Variants in XYLT1 observed in about 807,000 individuals in gnomAD.
The protein encoded by XYLT1 is xylosyltransferase 1, also known as beta-D-xylosyltransferase 1.
In XYLT1, 36 loss-of-function variants were observed where a neutral mutation model predicts 91.3. The observed-to-expected ratio is 0.39, with a 90% confidence interval of 0.30 to 0.52. The LOEUF (loss-of-function observed/expected upper bound fraction) is 0.52. Ranked by LOEUF, XYLT1 falls within the 20% of genes least tolerant of loss-of-function variation. XYLT1 has a pLI of 0.68. For missense variants in XYLT1, 1,242 were observed against 1,284.5 expected (o/e 0.97, Z 0.51); for synonymous variants, 588 against 532.0 (o/e 1.11, Z -1.45).
At chr16:17,416,810 G>C (rs770744477) in intron 1 of XYLT1, among the ~76,000 whole-genome samples, 3 of 152,218 alleles carry the variant, frequency 2.0e-5, no homozygotes, top group African/African-American at 7.2e-5. Context: ...AAGGAAGTGA[G>C]AGTGAGCATG....
intron 5 of XYLT1, among the ~76,000 whole-genome samples, chr16:17,187,218 C>A (rs1388343466): frequency 1.3e-5 from 2 of 151,546 alleles, no homozygotes; most frequent in African/African-American, 2.4e-5. Flanking sequence ...AAGGCAAAAC[C>A]CTGTCTCTAC....
chr16:17,468,019 GAAAC>G (rs1010485426), intron 1 of XYLT1, among the ~76,000 whole-genome samples: 3 of 152,168 alleles, frequency 2.0e-5, no homozygotes, highest in African/African-American at 7.2e-5. Flanking sequence ...GCAGGGTCTG[GAAAC>G]AAACTGCACA....
At chr16:17,149,159 C>T (rs2031218222) in intron 6 of XYLT1, among the ~76,000 whole-genome samples, 1 of 152,214 alleles carries the variant, frequency 6.6e-6, no homozygotes, top group Admixed American at 6.5e-5. Flanking sequence ...AAAAAAACAT[C>T]TGTGGCTTTT....
At chr16:17,431,762 A>G (rs867108791) in intron 1 of XYLT1, among the ~76,000 whole-genome samples, 4 of 152,370 alleles carry the variant, frequency 2.6e-5, no homozygotes, top group African/African-American at 9.6e-5. Flanking sequence ...TTGTCCAATA[A>G]AGTTGCTAAA....
intron 1 of XYLT1, among the ~76,000 whole-genome samples, chr16:17,460,190 C>T (rs2036799103): frequency 6.6e-6 from 1 of 152,164 alleles, no homozygotes; most frequent in Non-Finnish European, 1.5e-5. Context: ...TTTCCACCTC[C>T]CCCTTGTCTC....
In XYLT1 at chr16:17,470,536, T is replaced by C. The variant is rs1189992349; in HGVS notation, c.261A>G (p.Gly87=). ...ARGGGGGGGG[G]GGGRGPQARA... is the part of the protein sequence containing the mutation. ...GCGCCTGGGGCCCCCGTCCTCCTCC[T>C]CCTCCGCCGCCGCCTCCTCCTCCTC... The change falls in exon 1 of 12, where the codon GGA becomes GGG. Residue 87 remains glycine (G), a synonymous_variant. Transcript: ENST00000261381. 1.6e-6 allele frequency: 2 copies of C among 1,224,234 alleles called. No individual in the cohort carries two copies. The highest frequency in any genetic ancestry group is 4.3e-5 in the Admixed American group (1 of 23,312). 75.8% of individuals were successfully genotyped at this position (1,224,234 alleles called of 1,614,324 possible).
At chr16:17,435,627 A>G (rs954774241) in intron 1 of XYLT1, among the ~76,000 whole-genome samples, 1 of 151,782 alleles carries the variant, frequency 6.6e-6, no homozygotes, top group Non-Finnish European at 1.5e-5. Flanking sequence ...GAAAAAAAAA[A>G]GTCTAAGGAG....
intron 1 of XYLT1, among the ~76,000 whole-genome samples, chr16:17,435,677 T>G (rs67792343): frequency 1.3e-5 from 2 of 151,906 alleles, no homozygotes; most frequent in African/African-American, 2.4e-5. Context: ...GTTCCTACTA[T>G]GTGCCAGGCT....
chr16:17,438,135 G>A (rs2036484591), intron 1 of XYLT1, among the ~76,000 whole-genome samples: 1 of 152,120 alleles, frequency 6.6e-6, no homozygotes, highest in Admixed American at 6.5e-5. Context: ...GGCCAGAGAG[G>A]GAGAATATTT....
chr16:17,165,332 T>C (rs1480527419), intron 5 of XYLT1, among the ~76,000 whole-genome samples: 1 of 152,214 alleles, frequency 6.6e-6, no homozygotes, highest in East Asian at 1.9e-4. Flanking sequence ...GCTGCTTCTC[T>C]CACTCATCAG....
chr16:17,194,092 T>C (rs968971967), intron 5 of XYLT1: 5 of 152,340 alleles, frequency 3.3e-5, no homozygotes, highest in African/African-American at 1.2e-4. Flanking sequence ...AAAGGATTTC[T>C]GGGCCTCTCA....
At chr16:17,304,275 G>C (rs1013015454) in intron 2 of XYLT1, among the ~76,000 whole-genome samples, 12 of 152,154 alleles carry the variant, frequency 7.9e-5, no homozygotes, top group African/African-American at 2.4e-4. Context: ...AAAGACCAGA[G>C]GCAGGTGAGG....
rs1293088826 is a variant in XYLT1, at chr16:17,104,929, A to C, written c.*3766T>G. 1 of 152,248 alleles carries C rather than the reference A, an allele frequency of 6.6e-6. No homozygotes were observed. Among genetic ancestry groups the C allele is most frequent in the East Asian group, 1.9e-4 (1 of 5,194 alleles). 9.4% of individuals were successfully genotyped at this position (152,248 alleles called of 1,614,324 possible). On this transcript the variant is annotated 3_prime_UTR_variant, in exon 12 of 12. Coordinates refer to ENST00000261381, the MANE Select transcript of XYLT1 (RefSeq NM_022166.4). ...TATTCTGGGCCCCATAAACATTTGT[A>C]ACCCCTACCACAGTGTGTGGCTTTG... is the stretch of plus-strand genomic sequence containing the variant.
chr16:17,154,671 G>C (rs1320277524), intron 6 of XYLT1, among the ~76,000 whole-genome samples: 1 of 152,176 alleles, frequency 6.6e-6, no homozygotes, highest in Non-Finnish European at 1.5e-5. Context: ...AGGAAAGCAA[G>C]GAGAAACAGT....
Position 17,198,283 on chromosome 16 carries a change from C to T in XYLT1, c.1218G>A (p.Arg406=). The change falls in exon 5 of 12, where the codon CGG becomes CGA. Residue 406 remains arginine (R), a synonymous_variant. Transcript: ENST00000261381. ...GCCAGTCGGTCATCTCCAGGAGGTCCCGCATGCTCTGCAGGTAGGTGGACA... is the reference window on the plus strand; with the variant it reads ...GCCAGTCGGTCATCTCCAGGAGGTCTCGCATGCTCTGCAGGTAGGTGGACA... ...SLLSTYLQSM[R]DLLEMTDWPW... 1.9e-6 allele frequency: 3 copies of T among 1,614,204 alleles called. No homozygotes were observed. Among genetic ancestry groups the T allele is most frequent in the African/African-American group, 1.3e-5 (1 of 75,062 alleles).
At chr16:17,400,742 A>C (rs2035956337) in intron 1 of XYLT1, among the ~76,000 whole-genome samples, 1 of 152,184 alleles carries the variant, frequency 6.6e-6, no homozygotes, top group South Asian at 2.1e-4. Flanking sequence ...CTTCAAAGTC[A>C]GCTTGTAATG....
rs67567053 is a variant in XYLT1 at position 17,454,538 on chromosome 16, A to AT, written c.363+15895dup. ...CAATAAAGCTTTATTTATGATCGCA[A>AT]TTTTTTTTTTTTTTTTGAGATACAG... On this transcript the variant is annotated intron_variant, in intron 1 of 11. Coordinates refer to ENST00000261381, the MANE Select transcript of XYLT1 (RefSeq NM_022166.4). Among the ~76,000 whole-genome samples, 967 of 145,330 alleles carry AT rather than the reference A, an allele frequency of 6.7e-3. 8 individuals are homozygous for AT. Among genetic ancestry groups the AT allele is most frequent in the African/African-American group, 9.4e-3 (376 of 39,966 alleles).
chr16:17,145,042 C>T (rs533315245), intron 6 of XYLT1, among the ~76,000 whole-genome samples: 1 of 152,354 alleles, frequency 6.6e-6, no homozygotes, highest in African/African-American at 2.4e-5. Flanking sequence ...TTCATGCTAG[C>T]CCCTGATAAC....
At chr16:17,423,045 G>C (rs762849346) in intron 1 of XYLT1, among the ~76,000 whole-genome samples, 7 of 152,172 alleles carry the variant, frequency 4.6e-5, no homozygotes, top group Admixed American at 1.3e-4. Context: ...TCATCCAAAT[G>C]TGGGACCTTC....
Sources: allele counts gnomAD v4.1 joint callset (sites outside exome capture counted in the v4.1 genomes callset), GRCh38; gene constraint gnomAD v4.1.1; transcripts MANE v1.5; gene names NCBI Gene and HGNC (gene_info 2026-07-23, HGNC 2026-07-21).